INPP4B: variants seen among roughly 807,000 people sequenced by gnomAD.
The protein encoded by INPP4B is inositol polyphosphate 4-phosphatase type II.
In INPP4B, 55 loss-of-function variants were observed where a neutral mutation model predicts 122.5. The ratio of observed to expected loss-of-function variants is 0.45; its 90% CI spans 0.36 to 0.56. The LOEUF (loss-of-function observed/expected upper bound fraction) is 0.56, where lower values mean the gene tolerates loss of function less well. INPP4B is among the 20% of genes least tolerant of loss of function. The probability of loss-of-function intolerance (pLI) is 0.00; values close to 1 mark genes in which losing one functional copy is unlikely to be tolerated. For synonymous variants in INPP4B, 403 were observed against 388.7 expected, an observed-to-expected ratio of 1.04 and a Z score of -0.43; for missense variants, 1,000 against 1,097.7, an observed-to-expected ratio of 0.91 and a Z score of 1.26.
intron 12 of INPP4B, among the ~76,000 whole-genome samples, chr4:142,229,198 A>G (rs1029862571): frequency 9.3e-4 from 142 of 152,052 alleles, no homozygotes; most frequent in Middle Eastern, 3.4e-3. Context: ...GCAACAATTT[A>G]TATTTCCCTT....
At chr4:142,645,492 G>A (rs1751551479) in intron 2 of INPP4B, among the ~76,000 whole-genome samples, 1 of 152,140 alleles carries the variant, frequency 6.6e-6, no homozygotes, top group African/African-American at 2.4e-5. Context: ...TTGCAGTTAT[G>A]TGTGGCCATG....
At position 142,028,117 on chromosome 4, in the gene INPP4B, G is replaced by A; in HGVS notation, c.*665C>T. ...TTCACAGCTAGATCACACAACCCAA[G>A]TCAGAGTTCTGAAAAGATGCCATGG... On this transcript the variant is annotated 3_prime_UTR_variant, in exon 26 of 26. Transcript: ENST00000262992. 4.4e-6 allele frequency: 1 copy of A among 228,976 alleles called. No homozygotes were observed. Among genetic ancestry groups the A allele is most frequent in the Non-Finnish European group, 8.7e-6 (1 of 115,416 alleles). 14.2% of individuals were successfully genotyped at this position (228,976 alleles called of 1,614,324 possible).
At chr4:142,259,961 AT>A (rs1738936707) in intron 11 of INPP4B, among the ~76,000 whole-genome samples, 2 of 152,126 alleles carry the variant, frequency 1.3e-5, no homozygotes, top group South Asian at 4.1e-4. Flanking sequence ...ACCAAATGTC[AT>A]TATGCAGCAC....
chr4:142,733,824 AT>A (rs561568350), intron 1 of INPP4B, among the ~76,000 whole-genome samples: 229 of 152,348 alleles, frequency 1.5e-3, no homozygotes, highest in Middle Eastern at 0.01. Flanking sequence ...CACAATAAGA[AT>A]TAACTAGAAA....
At chr4:142,243,678 G>T (rs932837813) in intron 11 of INPP4B, among the ~76,000 whole-genome samples, 108 of 152,150 alleles carry the variant, frequency 7.1e-4, no homozygotes, top group African/African-American at 2.6e-3. Context: ...ATTAATGAAA[G>T]GAAAAATAGG....
chr4:142,213,757 G>A (rs576722559), intron 12 of INPP4B, among the ~76,000 whole-genome samples: 1 of 152,260 alleles, frequency 6.6e-6, no homozygotes, highest in Non-Finnish European at 1.5e-5. Flanking sequence ...TCTACATGAA[G>A]CGAATACCAA....
At chr4:142,461,821 ACACGTTGGGGTAAGGTGAGGT>A (rs1449324339) in intron 3 of INPP4B, among the ~76,000 whole-genome samples, 1 of 152,082 alleles carries the variant, frequency 6.6e-6, no homozygotes, top group East Asian at 1.9e-4. Context: ...ACACACACAC[ACACGTTGGGGTAAGGTGAGGT>A]CAGGTGACAG....
At chr4:142,117,049 C>G (rs1343569081) in intron 21 of INPP4B, among the ~76,000 whole-genome samples, 4 of 152,118 alleles carry the variant, frequency 2.6e-5, no homozygotes, top group African/African-American at 9.7e-5. Context: ...TGCAAATAAA[C>G]TAGAAAATCT....
Position 142,703,517 on chromosome 4 carries a change from C to T in INPP4B, c.-191+22322G>A, listed in dbSNP as rs368340402. Among the ~76,000 whole-genome samples the T allele has an allele frequency of 7.9e-5, 12 of 152,188 alleles. No homozygotes were observed. The East Asian group carries it at 1.2e-3, about 15-fold the overall frequency. ...TTCAGGAGAATAAAAGAAAAATGTG[C>T]TCCCAAATTTAGTGATGAGTCCAGG... On this transcript the variant is annotated intron_variant, in intron 2 of 25. Transcript: ENST00000262992.
intron 2 of INPP4B, among the ~76,000 whole-genome samples, chr4:142,507,621 A>C (rs1824188735): frequency 6.6e-6 from 1 of 152,128 alleles, no homozygotes; most frequent in Non-Finnish European, 1.5e-5. Flanking sequence ...CAATTGTTTA[A>C]AATGAATCTC....
intron 3 of INPP4B, among the ~76,000 whole-genome samples, chr4:142,443,706 T>G (rs1214785029): frequency 1.3e-5 from 2 of 151,974 alleles, no homozygotes; most frequent in Admixed American, 1.3e-4. Flanking sequence ...AATGAACCTC[T>G]CTCAGGTAGA....
At chr4:142,225,697 T>C (rs1001852937) in intron 12 of INPP4B, among the ~76,000 whole-genome samples, 5 of 151,986 alleles carry the variant, frequency 3.3e-5, no homozygotes, top group Non-Finnish European at 7.4e-5. Context: ...GAAAATTGTA[T>C]ATAGGAATGA....
intron 7 of INPP4B, among the ~76,000 whole-genome samples, chr4:142,337,764 T>TATATATA (rs1375709261): frequency 3.1e-5 from 4 of 129,274 alleles, no homozygotes; most frequent in East Asian, 2.7e-4. Context: ...TTATATATAT[T>TATATATA]TTATATATAT....
At chr4:142,446,135 A>AT (rs148989910) in intron 3 of INPP4B, among the ~76,000 whole-genome samples, 2,621 of 151,864 alleles carry the variant, frequency 0.017, 76 homozygotes, top group African/African-American at 0.059. Context: ...AACAAGCAGG[A>AT]TAAAAAAAAT....
chr4:142,686,343 G>A (rs1433007732), intron 2 of INPP4B, among the ~76,000 whole-genome samples: 1 of 152,054 alleles, frequency 6.6e-6, no homozygotes, highest in Non-Finnish European at 1.5e-5. Flanking sequence ...ATTTGAATAA[G>A]CAATATATGG....
chr4:142,699,545 C>T (rs1001610484), intron 2 of INPP4B, among the ~76,000 whole-genome samples: 3 of 152,146 alleles, frequency 2.0e-5, no homozygotes, highest in African/African-American at 7.2e-5. Context: ...ACCATACTGG[C>T]CAGCGTTGCT....
intron 2 of INPP4B, among the ~76,000 whole-genome samples, chr4:142,523,547 A>G (rs1486702654): frequency 6.6e-6 from 1 of 152,114 alleles, no homozygotes; most frequent in Non-Finnish European, 1.5e-5. Flanking sequence ...TTGGCAAAGC[A>G]AGGCCAGGGT....
At chr4:142,158,560 A>C (rs1561322536) in intron 17 of INPP4B, among the ~76,000 whole-genome samples, 1 of 152,098 alleles carries the variant, frequency 6.6e-6, no homozygotes, top group African/African-American at 2.4e-5. Flanking sequence ...TAAAATTTTG[A>C]GTTGAAGTCA....
chr4:142,292,684 A>G (rs1756938203), intron 9 of INPP4B, among the ~76,000 whole-genome samples: 1 of 152,246 alleles, frequency 6.6e-6, no homozygotes, highest in Admixed American at 6.5e-5. Flanking sequence ...GATGAGGATT[A>G]GACCATGTTT....
Sources: allele counts gnomAD v4.1 joint callset (sites outside exome capture counted in the v4.1 genomes callset), GRCh38; gene constraint gnomAD v4.1.1; transcripts MANE v1.5; gene names NCBI Gene and HGNC (gene_info 2026-07-23, HGNC 2026-07-21).